ITPRID1: variants seen among roughly 807,000 people sequenced by gnomAD.
ITPRID1 encodes ITPR interacting domain containing 1, also known as protein ITPRID1.
ITPRID1 carries 96 observed loss-of-function variants against 95.4 expected under a neutral mutation model. That is an observed-to-expected ratio of 1.01 (90% CI 0.85 to 1.19). The LOEUF (loss-of-function observed/expected upper bound fraction) is 1.19, where lower values mean the gene tolerates loss of function less well. Among genes scored for constraint, ITPRID1 ranks in the 50% most tolerant of loss-of-function variants. ITPRID1 has a pLI of 0.00. For synonymous variants in ITPRID1, 510 were observed against 453.6 expected, an observed-to-expected ratio of 1.12 and a Z score of -1.58; for missense variants, 1,339 against 1,252.9, an observed-to-expected ratio of 1.07 and a Z score of -1.04.
At chr7:31,547,705 A>G (rs1353001115) in intron 1 of ITPRID1, among the ~76,000 whole-genome samples, 2 of 152,144 alleles carry the variant, frequency 1.3e-5, no homozygotes, top group South Asian at 2.1e-4. Context: ...GAGAAGACTC[A>G]TAAGTCCTTG....
At chr7:31,620,862 A>C (rs567718462) in intron 10 of ITPRID1, among the ~76,000 whole-genome samples, 2 of 152,240 alleles carry the variant, frequency 1.3e-5, no homozygotes, top group East Asian at 3.9e-4. Flanking sequence ...ACTTTGAAAA[A>C]AATTTAGACG....
At chr7:31,546,867 G>T (rs1422110657) in intron 1 of ITPRID1, among the ~76,000 whole-genome samples, 1 of 152,042 alleles carries the variant, frequency 6.6e-6, no homozygotes, top group Non-Finnish European at 1.5e-5. Context: ...CTCATATAGG[G>T]AGGCATGTAG....
intron 12 of ITPRID1, among the ~76,000 whole-genome samples, chr7:31,650,134 G>A (rs1201062585): frequency 6.6e-6 from 1 of 152,178 alleles, no homozygotes; most frequent in Admixed American, 6.5e-5. Flanking sequence ...TTTCAAAGGA[G>A]TGGCTCTCAG....
chr7:31,610,083 A>G (rs1344495353), intron 10 of ITPRID1, among the ~76,000 whole-genome samples: 1 of 151,556 alleles, frequency 6.6e-6, no homozygotes, highest in African/African-American at 2.4e-5. Context: ...TGAATTGCCT[A>G]AATTTTCTTC....
chr7:31,583,302 C>A (rs1040600523), intron 10 of ITPRID1, 111 bp downstream of exon 10: 3 of 706,714 alleles, frequency 4.2e-6, no homozygotes, highest in Non-Finnish European at 7.0e-6. Flanking sequence ...AGAAGGTACT[C>A]TAAATTCATG....
rs79543320 is a variant in ITPRID1 at position 31,654,401 on chromosome 7, G to A, written c.*1572G>A. Among the ~76,000 whole-genome samples, 1,070 of 152,134 alleles carry A rather than the reference G, an allele frequency of 7.0e-3. 7 individuals are homozygous for A. Among genetic ancestry groups the A allele is most frequent in the Non-Finnish European group, 0.011 (718 of 67,872 alleles). The stretch of plus-strand genomic sequence containing the variant: ...CGGTCAGACTATAGGCCATGACCAA[G>A]TCTTTGCATCTGAATCCTTTTTCCA... On this transcript the variant is annotated 3_prime_UTR_variant, in exon 15 of 15. Transcript: ENST00000615280.
Position 31,652,926 on chromosome 7 carries a change from AC to A in ITPRID1, c.*100del. 6.6e-6 allele frequency: 10 copies of A among 1,525,124 alleles called. No homozygotes were observed. Among genetic ancestry groups the A allele is most frequent in the South Asian group, 1.3e-5 (1 of 76,074 alleles). 94.5% of individuals were successfully genotyped at this position (1,525,124 alleles called of 1,614,324 possible). ...TTTCCCCAAGGAGAAGGGTCTGCCA[AC>A]CCATTGTCAGCTATATCTCTCATAT... On this transcript the variant is annotated 3_prime_UTR_variant, in exon 15 of 15. Coordinates refer to ENST00000615280, the MANE Select transcript of ITPRID1 (RefSeq NM_001257967.3).
rs902967590 is a variant in ITPRID1 at position 31,655,733 on chromosome 7, T to C, written c.*2904T>C. 3.0e-6 allele frequency: 3 copies of C among 985,682 alleles called. No homozygotes were observed. The South Asian group carries it at 1.4e-4, about 46-fold the overall frequency. 61.1% of individuals were successfully genotyped at this position (985,682 alleles called of 1,614,324 possible). ...ACTCCTGATGCATTGCATTTGTGCC[T>C]CCAAATCGTTTCCCTTGCTAAACTC... On this transcript the variant is annotated 3_prime_UTR_variant, in exon 15 of 15. Transcript: ENST00000615280.
At position 31,553,118 on chromosome 7, in the gene ITPRID1, G is replaced by C. The variant is rs1372701132; in HGVS notation, c.94G>C (p.Ala32Pro). Residue 32 changes from alanine (A) to proline (P), a missense_variant, in exon 3 of 15, where the codon GCT becomes CCT. Ala to Pro is a conservative substitution (Grantham distance 27). Transcript: ENST00000615280. ...EILKCTKSAW[A>P]PLDEWLPPDP... ...CCTGAAGTGCACCAAAAGCGCGTGG[G>C]CTCCGCTGGATGAGTGGCTGCCCCC... 1 of 1,600,766 alleles carries C rather than the reference G, an allele frequency of 6.2e-7. No homozygotes were observed. The highest frequency in any genetic ancestry group is 1.7e-5 in the Admixed American group (1 of 58,366).
intron 1 of ITPRID1, among the ~76,000 whole-genome samples, chr7:31,530,320 A>G (rs913288032): frequency 6.6e-6 from 1 of 152,166 alleles, no homozygotes; most frequent in Non-Finnish European, 1.5e-5. Context: ...GAACTTTCTC[A>G]TTTTTAATTA....
intron 1 of ITPRID1, among the ~76,000 whole-genome samples, chr7:31,516,159 A>G (rs543852858): frequency 8.5e-4 from 129 of 152,338 alleles, no homozygotes; most frequent in Non-Finnish European, 1.5e-3. Context: ...AGGAAAGAGA[A>G]TAAGGCTAGA....
rs185567354 is a variant in ITPRID1, at chr7:31,608,759, G to A, written c.1228+25568G>A. Among the ~76,000 whole-genome samples the A allele has an allele frequency of 1.0e-3, 156 of 151,574 alleles. 1 individual carries two copies. Among genetic ancestry groups the A allele is most frequent in the African/African-American group, 3.1e-3 (130 of 41,456 alleles). On this transcript the variant is annotated intron_variant, in intron 10 of 14. Transcript: ENST00000615280. ...TTATTAGTTCTAATAATTCTATAGC[G>A]GATTTTTATATACAAGACCATATTA... is the stretch of plus-strand genomic sequence containing the variant.
intron 12 of ITPRID1, among the ~76,000 whole-genome samples, chr7:31,647,037 T>C (rs1329620379): frequency 6.6e-6 from 1 of 152,184 alleles, no homozygotes; most frequent in Non-Finnish European, 1.5e-5. Context: ...CATACACACA[T>C]ATACGTGTGC....
chr7:31,550,372 T>G (rs1399298069), intron 2 of ITPRID1, among the ~76,000 whole-genome samples: 2 of 152,094 alleles, frequency 1.3e-5, no homozygotes, highest in Non-Finnish European at 2.9e-5. Context: ...AGAATGAGGA[T>G]TCCTCTTGGG....
At chr7:31,528,320 A>G (rs1562549330) in intron 1 of ITPRID1, among the ~76,000 whole-genome samples, 1 of 152,194 alleles carries the variant, frequency 6.6e-6, no homozygotes, top group African/African-American at 2.4e-5. Flanking sequence ...GTCTATTAAA[A>G]TCTTCTAGAA....
At chr7:31,593,788 A>G (rs1427044359) in intron 10 of ITPRID1, among the ~76,000 whole-genome samples, 1 of 152,234 alleles carries the variant, frequency 6.6e-6, no homozygotes, top group Non-Finnish European at 1.5e-5. Context: ...TAACAACTAG[A>G]GACAGCCTAA....
In ITPRID1 at chr7:31,594,812, G is replaced by A. The variant is rs566673820; in HGVS notation, c.1228+11621G>A. 5.7e-4 allele frequency among the ~76,000 whole-genome samples: 87 copies of A among 151,738 alleles called. No homozygotes were observed. The Middle Eastern group carries it at 0.01, about 18-fold the overall frequency. On this transcript the variant is annotated intron_variant, in intron 10 of 14. Transcript: ENST00000615280. ...GCAGAGGTTGCAATGAGTTGAGATC[G>A]TGCCACTGCACTCCAGCCTGTGCAA... is the stretch of plus-strand genomic sequence containing the variant.
intron 10 of ITPRID1, among the ~76,000 whole-genome samples, chr7:31,620,363 T>G (rs921734268): frequency 6.6e-6 from 1 of 151,526 alleles, no homozygotes; most frequent in African/African-American, 2.4e-5. Context: ...CACCCCCCAG[T>G]AGGGGCAGAT....
chr7:31,586,586 G>A (rs1380687338), intron 10 of ITPRID1, among the ~76,000 whole-genome samples: 2 of 151,650 alleles, frequency 1.3e-5, no homozygotes, highest in African/African-American at 4.8e-5. Flanking sequence ...TTCTCTGATG[G>A]CCAGTGATGA....
Sources: allele counts gnomAD v4.1 joint callset (sites outside exome capture counted in the v4.1 genomes callset), GRCh38; gene constraint gnomAD v4.1.1; transcripts MANE v1.5; gene names NCBI Gene and HGNC (gene_info 2026-07-23, HGNC 2026-07-21).